ABCC8: variants seen among roughly 807,000 people sequenced by gnomAD.
ABCC8 encodes the protein ATP binding cassette subfamily C member 8, also known as ATP-binding cassette sub-family C member 8.
ABCC8 carries 137 observed loss-of-function variants against 188.0 expected under a neutral mutation model. The ratio of observed to expected loss-of-function variants is 0.73; its 90% CI spans 0.63 to 0.84. ABCC8 has a LOEUF of 0.84. ABCC8 is among the 40% of genes least tolerant of loss of function. The probability of loss-of-function intolerance (pLI) is 0.00; values close to 1 mark genes in which losing one functional copy is unlikely to be tolerated. For missense variants in ABCC8, 1,750 were observed against 2,072.7 expected (o/e 0.84, Z 3.02); for synonymous variants, 797 against 846.5 (o/e 0.94, Z 1.01).
chr11:17,396,808 C>G, intron 33 of ABCC8, 108 bp downstream of exon 33: 1 of 1,426,110 alleles, frequency 7.0e-7, no homozygotes, highest in Non-Finnish European at 9.6e-7. Context: ...AGTGAGAGGC[C>G]TCGGCCCTGG....
At chr11:17,440,513 A>G (rs557575641) in intron 10 of ABCC8, among the ~76,000 whole-genome samples, 2 of 152,248 alleles carry the variant, frequency 1.3e-5, no homozygotes, top group East Asian at 3.9e-4. Flanking sequence ...GGAGGCTCTG[A>G]GAACCACAGG....
rs1564977373 is a variant in ABCC8, at chr11:17,461,710, C to T, written c.695G>A (p.Trp232Ter). ...VNLLSKGTYW[W>*]MNAFIKTAHK... ...GGCAGTCTTGATGAAGGCGTTCATC[C>T]ACCAGTAGGTGCCTTTGGACAGCAG... is the stretch of plus-strand genomic sequence containing the variant. Residue 232 changes from tryptophan (W) to a stop codon, truncating the protein, a stop_gained, in exon 5 of 39, where the codon TGG becomes TAG. Coordinates refer to ENST00000389817, the MANE Select transcript of ABCC8 (RefSeq NM_000352.6). LOFTEE classifies it high-confidence loss of function. 1.2e-6 allele frequency: 2 copies of T among 1,614,210 alleles called. No individual in the cohort carries two copies. The highest frequency in any genetic ancestry group is 1.7e-6 in the Non-Finnish European group (2 of 1,180,040).
At chr11:17,426,696 C>A (rs188131764) in intron 16 of ABCC8, among the ~76,000 whole-genome samples, 7 of 152,316 alleles carry the variant, frequency 4.6e-5, no homozygotes, top group Admixed American at 4.6e-4. Context: ...CCATGGGATT[C>A]AGAGTCTGAC....
Position 17,394,371 on chromosome 11 carries a change from A to G in ABCC8, c.4440T>C (p.Asn1480=). 6.2e-7 allele frequency: 1 copy of G among 1,614,150 alleles called. No homozygotes were observed. The highest frequency in any genetic ancestry group is 1.1e-5 in the South Asian group (1 of 91,088). ...ACAGCTGCCTCTGTCCCTGGCTGAA[A>G]TTCTCCCCGCCTTCTGTGATGATGG... The part of the protein sequence containing the change: ...LDAIITEGGE[N]FSQGQRQLFC... Residue 1480 remains asparagine, a synonymous_variant, in exon 37 of 39, where the codon AAT becomes AAC. Transcript: ENST00000389817.
intron 10 of ABCC8, among the ~76,000 whole-genome samples, chr11:17,433,810 G>A (rs994746973): frequency 4.6e-5 from 7 of 152,308 alleles, no homozygotes; most frequent in Admixed American, 2.0e-4. Context: ...GGCAGATGGC[G>A]AATTTCTCTG....
chr11:17,475,437 T>C (rs990301167), intron 1 of ABCC8, among the ~76,000 whole-genome samples: 8 of 152,152 alleles, frequency 5.3e-5, no homozygotes, highest in African/African-American at 1.9e-4. Context: ...TTGCCCAGGC[T>C]GGTCTCGAAC....
chr11:17,441,440 T>C (rs1956312047), intron 10 of ABCC8, among the ~76,000 whole-genome samples: 1 of 152,234 alleles, frequency 6.6e-6, no homozygotes. Context: ...TGTCTTCTAA[T>C]TCAAAAATTC....
intron 6 of ABCC8, among the ~76,000 whole-genome samples, chr11:17,454,894 G>A (rs1322390257): frequency 6.6e-6 from 1 of 152,090 alleles, no homozygotes; most frequent in Non-Finnish European, 1.5e-5. Context: ...GTGACTTGTG[G>A]GGGATGGAAA....
In ABCC8 at chr11:17,460,569, G is replaced by A; in HGVS notation, c.930C>T (p.Asp310=). The A allele has an allele frequency of 6.2e-7, 1 of 1,613,932 alleles. No individual in the cohort carries two copies. The highest frequency in any genetic ancestry group is 1.1e-5 in the South Asian group (1 of 91,092). The change falls in exon 6 of 39, where the codon GAC becomes GAT. Residue 310 remains aspartate (D), a synonymous_variant. Coordinates refer to ENST00000389817, the MANE Select transcript of ABCC8 (RefSeq NM_000352.6). The part of the protein sequence containing the change: ...VLSSTFRILA[D]LLGFAGPLCI... ...ACAGTGGCCCGGCGAAGCCCAGCAGGTCGGCCAAGATGCGGAAAGTGCTGC... is the reference window on the plus strand; with the variant it reads ...ACAGTGGCCCGGCGAAGCCCAGCAGATCGGCCAAGATGCGGAAAGTGCTGC...
In ABCC8 at chr11:17,442,896, C is replaced by G; in HGVS notation, c.1468-14G>C. 1 of 1,610,128 alleles carries G rather than the reference C, an allele frequency of 6.2e-7. No individual in the cohort carries two copies. The highest frequency in any genetic ancestry group is 8.5e-7 in the Non-Finnish European group (1 of 1,179,994). On this transcript the variant is annotated splice_polypyrimidine_tract_variant and intron_variant, in intron 9 of 38. Transcript: ENST00000389817. ...ATTGGAATACTCCTGCAGGGGTCCC[C>G]GAGTCAGAGGGGAGAGGCTTCTGCT...
chr11:17,428,721 AG>A, intron 12 of ABCC8, 51 bp from the exon 13 acceptor site: 1 of 1,604,112 alleles, frequency 6.2e-7, no homozygotes. Flanking sequence ...GGCAGAGGGG[AG>A]GGGAGAGGGC....
chr11:17,408,661 C>G (rs1362996646), intron 22 of ABCC8, 144 bp from the exon 23 acceptor site: 7 of 1,335,640 alleles, frequency 5.2e-6, no homozygotes, highest in Non-Finnish European at 7.1e-6. Flanking sequence ...TGCAAGTGGG[C>G]TGGTATTGAT....
chr11:17,428,731 G>T (rs1955713191), intron 12 of ABCC8, 61 bp from the exon 13 acceptor site: 5 of 1,600,128 alleles, frequency 3.1e-6, no homozygotes, highest in Non-Finnish European at 4.2e-6. Context: ...AGGGGAGAGG[G>T]CGCAGCCTGA....
intron 29 of ABCC8, 177 bp from the exon 30 acceptor site, chr11:17,398,618 C>G (rs1954067888): frequency 1.4e-6 from 1 of 738,138 alleles, no homozygotes; most frequent in African/African-American, 1.9e-5. Flanking sequence ...TCTGCTTATT[C>G]AAACCTGTCC....
intron 8 of ABCC8, among the ~76,000 whole-genome samples, chr11:17,447,784 G>A (rs1956595433): frequency 1.3e-5 from 2 of 152,130 alleles, no homozygotes; most frequent in Middle Eastern, 3.2e-3. Flanking sequence ...TACAGACAGG[G>A]TCTCACTTTG....
chr11:17,416,043 A>T (rs1049427743), intron 17 of ABCC8, among the ~76,000 whole-genome samples: 1 of 152,206 alleles, frequency 6.6e-6, no homozygotes, highest in African/African-American at 2.4e-5. Flanking sequence ...AAGAAATATG[A>T]TCACTACCAT....
chr11:17,397,203 C>T lies in ABCC8; in HGVS notation c.3978G>A (p.Glu1326=), dbSNP rs1231270619. ...GLLKTEAESY[E]GLLAPSLIPK... is the part of the protein sequence containing the mutation. Reference sequence around the variant, plus strand: ...CCCTGAGCCTCTCACCCAGGAGCCCCTCGTAGCTCTCTGCCTCGGTTTTCA... The same window carrying T: ...CCCTGAGCCTCTCACCCAGGAGCCCTTCGTAGCTCTCTGCCTCGGTTTTCA... The change falls in exon 32 of 39, where the codon GAG becomes GAA. Residue 1326 remains glutamate, a synonymous_variant. Coordinates refer to ENST00000389817, the MANE Select transcript of ABCC8 (RefSeq NM_000352.6). 6.2e-7 allele frequency: 1 copy of T among 1,613,744 alleles called. No individual in the cohort carries two copies. The highest frequency in any genetic ancestry group is 8.5e-7 in the Non-Finnish European group (1 of 1,180,000).
chr11:17,396,591 G>T (rs1953940118), intron 33 of ABCC8: 3 of 380,410 alleles, frequency 7.9e-6, no homozygotes, highest in Non-Finnish European at 1.5e-5. Context: ...CCTGAAGCTC[G>T]GGGCAGTGCC....
chr11:17,443,075 C>G, intron 9 of ABCC8, 103 bp downstream of exon 9: 1 of 1,527,404 alleles, frequency 6.5e-7, no homozygotes, highest in Non-Finnish European at 9.0e-7. Flanking sequence ...TACTCAAAGT[C>G]AAAGTCAAAG....
Sources: allele counts gnomAD v4.1 joint callset (sites outside exome capture counted in the v4.1 genomes callset), GRCh38; gene constraint gnomAD v4.1.1; transcripts MANE v1.5; gene names NCBI Gene and HGNC (gene_info 2026-07-23, HGNC 2026-07-21).